Variants in RBMS1 observed in about 807,000 individuals in gnomAD.
RBMS1 encodes RNA binding motif single stranded interacting protein 1.
RBMS1 carries 17 observed loss-of-function variants against 62.3 expected under a neutral mutation model. The ratio of observed to expected loss-of-function variants is 0.27; its 90% confidence interval spans 0.19 to 0.41. RBMS1 has a LOEUF of 0.41. Among genes scored for constraint, RBMS1 ranks in the 10% least tolerant of loss-of-function variants. The pLI, the probability that RBMS1 is intolerant of heterozygous loss-of-function variation, is 1.00. For missense variants in RBMS1, 334 were observed against 504.5 expected, an observed-to-expected ratio of 0.66 and a Z score of 3.24; for synonymous variants, 172 against 170.0, an observed-to-expected ratio of 1.01 and a Z score of -0.09.
rs559340200 is a variant in RBMS1, at chr2:160,275,070, T to C, written c.*8-306A>G. ...GCAATCCAGAAACCAAGGTATTCTA[T>C]ATCACCAGGGCAATGCAGAAACCAG... On this transcript the variant is annotated intron_variant, in intron 13 of 13. Coordinates refer to ENST00000348849, the MANE Select transcript of RBMS1 (RefSeq NM_016836.4). 1.9e-3 allele frequency among the ~76,000 whole-genome samples: 295 copies of C among 152,338 alleles called. 1 individual carries two copies. Among genetic ancestry groups the C allele is most frequent in the South Asian group, 6.6e-3 (32 of 4,824 alleles).
chr2:160,339,713 T>C (rs1454642069), intron 2 of RBMS1, among the ~76,000 whole-genome samples: 1 of 152,070 alleles, frequency 6.6e-6, no homozygotes, highest in Non-Finnish European at 1.5e-5. Context: ...TATATATATA[T>C]ATACACACAC....
intron 1 of RBMS1, among the ~76,000 whole-genome samples, chr2:160,403,790 T>C (rs572044466): frequency 1.3e-5 from 2 of 152,150 alleles, no homozygotes; most frequent in African/African-American, 4.8e-5. Context: ...CATGCCACGA[T>C]GTGCAGAAAC....
intron 1 of RBMS1, among the ~76,000 whole-genome samples, chr2:160,458,010 C>T (rs1046522023): frequency 6.6e-6 from 1 of 151,936 alleles, no homozygotes; most frequent in Non-Finnish European, 1.5e-5. Context: ...CACTGTGTCA[C>T]CCTGGCCGAG....
chr2:160,384,080 C>T (rs1694438749), intron 1 of RBMS1, among the ~76,000 whole-genome samples: 2 of 152,116 alleles, frequency 1.3e-5, no homozygotes, highest in Admixed American at 6.5e-5. Flanking sequence ...GCCTGTAGTC[C>T]CAGCTACTAG....
chr2:160,395,452 G>C (rs1385697749), intron 1 of RBMS1, among the ~76,000 whole-genome samples: 1 of 151,918 alleles, frequency 6.6e-6, no homozygotes. Context: ...GTGAAACCCC[G>C]TCTCTACTAA....
chr2:160,378,430 T>C (rs910628470), intron 1 of RBMS1, among the ~76,000 whole-genome samples: 8 of 151,912 alleles, frequency 5.3e-5, no homozygotes, highest in African/African-American at 1.9e-4. Flanking sequence ...CTGGGCAACA[T>C]AGCAAAATCC....
At chr2:160,401,810 G>A (rs1043588569) in intron 1 of RBMS1, among the ~76,000 whole-genome samples, 61 of 152,148 alleles carry the variant, frequency 4.0e-4, no homozygotes, top group African/African-American at 1.3e-3. Flanking sequence ...AGAAAGGATT[G>A]AAAGTCTTCC....
intron 1 of RBMS1, among the ~76,000 whole-genome samples, chr2:160,467,333 A>G (rs144694149): frequency 6.6e-6 from 1 of 152,336 alleles, no homozygotes; most frequent in African/African-American, 2.4e-5. Flanking sequence ...AGTGAGAGCC[A>G]AGGAGAAGAA....
At chr2:160,468,966 C>G (rs200820561) in intron 1 of RBMS1, among the ~76,000 whole-genome samples, 1 of 152,078 alleles carries the variant, frequency 6.6e-6, no homozygotes, top group Non-Finnish European at 1.5e-5. Flanking sequence ...CCCAGAGGAC[C>G]CTTCAACACA....
At chr2:160,447,988 ATT>A (rs1231211661) in intron 1 of RBMS1, among the ~76,000 whole-genome samples, 1 of 152,186 alleles carries the variant, frequency 6.6e-6, no homozygotes, top group African/African-American at 2.4e-5. Flanking sequence ...ACTGAAAAAT[ATT>A]GTTATAAATA....
At chr2:160,408,067 C>T (rs1298439104) in intron 1 of RBMS1, among the ~76,000 whole-genome samples, 2 of 150,092 alleles carry the variant, frequency 1.3e-5, no homozygotes, top group Non-Finnish European at 3.0e-5. Context: ...GAGCCGGGGC[C>T]GGGCGGCCCG....
intron 6 of RBMS1, among the ~76,000 whole-genome samples, chr2:160,289,935 G>C (rs538877614): frequency 9.3e-5 from 14 of 150,602 alleles, no homozygotes; most frequent in African/African-American, 2.7e-4. Context: ...GGTGGCAAAA[G>C]GGCCTGACTT....
intron 1 of RBMS1, among the ~76,000 whole-genome samples, chr2:160,422,097 G>A (rs1696456961): frequency 6.6e-6 from 1 of 152,192 alleles, no homozygotes; most frequent in South Asian, 2.1e-4. Flanking sequence ...AAAGCAAAAA[G>A]ACAACAATAT....
chr2:160,366,273 A>G (rs185282451), intron 2 of RBMS1, among the ~76,000 whole-genome samples: 1 of 152,364 alleles, frequency 6.6e-6, no homozygotes, highest in African/African-American at 2.4e-5. Flanking sequence ...AAAAAATAAG[A>G]AGTAATGAAT....
intron 1 of RBMS1, among the ~76,000 whole-genome samples, chr2:160,412,296 A>G (rs1225020506): frequency 3.3e-5 from 5 of 152,250 alleles, no homozygotes; most frequent in African/African-American, 1.2e-4. Context: ...CAACAATTTT[A>G]AAATGAAAGT....
chr2:160,407,861 G>A (rs1695842897), intron 1 of RBMS1: 1 of 981,318 alleles, frequency 1.0e-6, no homozygotes, highest in Non-Finnish European at 1.2e-6. Flanking sequence ...CGGAGGAGCA[G>A]CGCCGCCGCG....
chr2:160,305,929 G>C (rs1373341364), intron 4 of RBMS1, among the ~76,000 whole-genome samples: 2 of 152,062 alleles, frequency 1.3e-5, no homozygotes, highest in Non-Finnish European at 2.9e-5. Flanking sequence ...GGGACCAAGA[G>C]TTTGAGACCA....
intron 13 of RBMS1, among the ~76,000 whole-genome samples, chr2:160,274,990 AT>A (rs1321500587): frequency 6.6e-6 from 1 of 152,196 alleles, no homozygotes; most frequent in Non-Finnish European, 1.5e-5. Context: ...AGCCAAATTC[AT>A]TTGGGTCTCT....
At chr2:160,404,118 G>A (rs1695572573) in intron 1 of RBMS1, among the ~76,000 whole-genome samples, 2 of 152,086 alleles carry the variant, frequency 1.3e-5, no homozygotes, top group South Asian at 2.1e-4. Context: ...GTAATAGAAC[G>A]TACACATTTG....
Sources: gnomAD v4.1 joint callset for allele counts (sites outside exome capture counted in the v4.1 genomes callset) on GRCh38, gnomAD v4.1.1 for gene constraint, MANE v1.5 for transcripts, NCBI Gene and HGNC (gene_info 2026-07-23, HGNC 2026-07-21) for gene names.